ZSWIM5: variants seen among roughly 807,000 people sequenced by gnomAD.
ZSWIM5 encodes the protein zinc finger SWIM domain-containing protein 5.
A neutral mutation model predicts 119.6 loss-of-function variants in ZSWIM5; 55 were observed. The ratio of observed to expected loss-of-function variants is 0.46; its 90% CI spans 0.37 to 0.58. ZSWIM5 has a LOEUF of 0.58. Among genes scored for constraint, ZSWIM5 ranks in the 20% least tolerant of loss-of-function variants. The pLI is 0.00. For missense variants in ZSWIM5, 1,193 were observed against 1,512.8 expected (o/e 0.79, Z 3.51); for synonymous variants, 537 against 606.9 (o/e 0.88, Z 1.69).
At chr1:45,058,943 A>G (rs1645138294) in intron 3 of ZSWIM5, among the ~76,000 whole-genome samples, 184 bp from the exon 4 acceptor site, 1 of 152,228 alleles carries the variant, frequency 6.6e-6, no homozygotes. Context: ...CCTGATGTTC[A>G]CAATAAGATA....
At chr1:45,148,140 CT>C (rs1645774212) in intron 1 of ZSWIM5, among the ~76,000 whole-genome samples, 1 of 152,046 alleles carries the variant, frequency 6.6e-6, no homozygotes, top group South Asian at 2.1e-4. Flanking sequence ...GGCTGTCATT[CT>C]TTGTTTCATT....
intron 8 of ZSWIM5, among the ~76,000 whole-genome samples, chr1:45,036,645 G>A (rs1247896770): frequency 6.6e-6 from 1 of 151,804 alleles, no homozygotes. Context: ...GTGAGCCACC[G>A]TATTCGGCCT....
At chr1:45,171,362 T>C (rs886345586) in intron 1 of ZSWIM5, among the ~76,000 whole-genome samples, 1 of 152,074 alleles carries the variant, frequency 6.6e-6, no homozygotes, top group African/African-American at 2.4e-5. Flanking sequence ...ATTAATTTTA[T>C]ATTGAAAAAA....
At chr1:45,046,757 G>A (rs1185513860) in intron 5 of ZSWIM5, among the ~76,000 whole-genome samples, 2 of 151,694 alleles carry the variant, frequency 1.3e-5, no homozygotes, top group African/African-American at 2.4e-5. Flanking sequence ...CAGGCGCGGT[G>A]GCTCATTCCT....
In ZSWIM5 at chr1:45,023,862, C is replaced by T. The variant is rs1036496788; in HGVS notation, c.2450-3074G>A. Among the ~76,000 whole-genome samples, 7 of 152,182 alleles carry T rather than the reference C, an allele frequency of 4.6e-5. 1 individual carries two copies. In the South Asian group the frequency reaches 1.4e-3, roughly 31 times the overall value. On this transcript the variant is annotated intron_variant, in intron 11 of 13. Coordinates refer to ENST00000359600, the MANE Select transcript of ZSWIM5 (RefSeq NM_020883.2). ...ATAAGAATTGCTGTTGCTCCACATC[C>T]TTGTCAGCATTTGGTGCTATCAGTT...
intron 2 of ZSWIM5, among the ~76,000 whole-genome samples, chr1:45,067,459 GA>G (rs1226641694): frequency 6.7e-6 from 1 of 149,822 alleles, no homozygotes; most frequent in African/African-American, 2.5e-5. Context: ...AAAAAAGAAA[GA>G]AAGAAAGAAA....
Position 45,019,430 on chromosome 1 carries a change from CA to C in ZSWIM5, c.2696-115del, listed in dbSNP as rs549492527. 1.3e-4 allele frequency: 187 copies of C among 1,406,610 alleles called. No homozygotes were observed. The African/African-American group carries it at 2.4e-3, about 18-fold the overall frequency. 87.1% of individuals were successfully genotyped at this position (1,406,610 alleles called of 1,614,324 possible). On this transcript the variant is annotated intron_variant, in intron 13 of 13. Coordinates refer to ENST00000359600, the MANE Select transcript of ZSWIM5 (RefSeq NM_020883.2). The surrounding 1 kb of genome is among the most constrained non-coding windows in gnomAD (Gnocchi z 5.0). ...GCAGAGATGAATTCTTCCTCCTCAG[CA>C]ACCTTGAGATGATATGAGGCAAACC...
chr1:45,018,594 C>CA lies in ZSWIM5; in HGVS notation c.3417dup (p.Glu1140Ter). 6.2e-7 allele frequency: 1 copy of CA among 1,614,236 alleles called. No homozygotes were observed. Among genetic ancestry groups the CA allele is most frequent in the South Asian group, 1.1e-5 (1 of 91,086 alleles). ...GTCTCCCGAGCCTTGCTTAGAAACT[C>CA]AATGAACTCTCCATAGTGGCGAGGG... On this transcript the variant is annotated frameshift_variant, in exon 14 of 14. Transcript: ENST00000359600. LOFTEE classifies it high-confidence loss of function. The surrounding 1 kb of genome is among the most constrained non-coding windows in gnomAD (Gnocchi z 6.7).
chr1:45,103,609 A>C (rs1435033341), intron 1 of ZSWIM5, among the ~76,000 whole-genome samples: 2 of 152,248 alleles, frequency 1.3e-5, no homozygotes, highest in African/African-American at 4.8e-5. Flanking sequence ...TCCTGCACTA[A>C]TAACAAGTCA....
At chr1:45,097,507 C>A (rs1015603767) in intron 1 of ZSWIM5, among the ~76,000 whole-genome samples, 1 of 152,052 alleles carries the variant, frequency 6.6e-6, no homozygotes, top group Non-Finnish European at 1.5e-5. Flanking sequence ...TAGTAAAGGA[C>A]CTGAGACATA....
intron 1 of ZSWIM5, among the ~76,000 whole-genome samples, chr1:45,191,078 C>T (rs1458541496): frequency 6.6e-6 from 1 of 151,660 alleles, no homozygotes; most frequent in East Asian, 1.9e-4. Flanking sequence ...TCCCGAGTAG[C>T]TGGGACTACA....
intron 1 of ZSWIM5, among the ~76,000 whole-genome samples, chr1:45,136,857 A>C (rs1007211301): frequency 2.0e-5 from 3 of 152,148 alleles, no homozygotes; most frequent in Non-Finnish European, 4.4e-5. Flanking sequence ...TGGGGTGTTT[A>C]CCAGGGGCTC....
chr1:45,129,153 G>GTTTTTTTTTTTTTTT (rs869042927), intron 1 of ZSWIM5, among the ~76,000 whole-genome samples: 1 of 70,162 alleles, frequency 1.4e-5, no homozygotes. Context: ...CATACATCTT[G>GTTTTTTTTTTTTTTT]TTTTTTTTTT....
At chr1:45,171,806 GAAATTTAACCAACTTAACACAAGTTATTT>G (rs1197641712) in intron 1 of ZSWIM5, among the ~76,000 whole-genome samples, 1 of 151,964 alleles carries the variant, frequency 6.6e-6, no homozygotes, top group Admixed American at 6.6e-5. Context: ...CACTTTAACA[GAAATTTAACCAACTTAACACAAGTTATTT>G]AAATTTAACC....
At chr1:45,104,534 G>A (rs779377859) in intron 1 of ZSWIM5, among the ~76,000 whole-genome samples, 2 of 152,192 alleles carry the variant, frequency 1.3e-5, no homozygotes, top group Non-Finnish European at 2.9e-5. Flanking sequence ...AACTGGCCAC[G>A]CCTGGGGCCT....
chr1:45,098,186 G>A (rs1379346130), intron 1 of ZSWIM5, among the ~76,000 whole-genome samples: 1 of 152,164 alleles, frequency 6.6e-6, no homozygotes, highest in African/African-American at 2.4e-5. Context: ...GAAGACCAGT[G>A]ACTGGAAAGC....
At position 45,018,314 on chromosome 1, in the gene ZSWIM5, C is replaced by T; in HGVS notation, c.*140G>A. The T allele has an allele frequency of 9.5e-7, 1 of 1,056,322 alleles. No homozygotes were observed. The allele number at this position is 1,056,322 out of a possible 1,614,324, so 65.4% of individuals were successfully genotyped here. A position where few individuals can be genotyped will look rare whatever the true frequency, so the allele number is the denominator to read the frequency against. Reference sequence around the variant, plus strand: ...TTATCGACTAGAGCTGGACTTTCCCCATCCTTAGCCCTGTGGTCCTTTGGC... The same window carrying T: ...TTATCGACTAGAGCTGGACTTTCCCTATCCTTAGCCCTGTGGTCCTTTGGC... On this transcript the variant is annotated 3_prime_UTR_variant, in exon 14 of 14. Transcript: ENST00000359600. The surrounding 1 kb of genome is among the most constrained non-coding windows in gnomAD (Gnocchi z 6.7).
intron 1 of ZSWIM5, among the ~76,000 whole-genome samples, chr1:45,098,437 C>T (rs1287896899): frequency 2.0e-5 from 3 of 152,174 alleles, no homozygotes; most frequent in African/African-American, 7.2e-5. Context: ...GCCTTTAAGT[C>T]TTATTCCCTC....
In ZSWIM5 at chr1:45,034,392, C is replaced by T. The variant is rs182892990; in HGVS notation, c.2369G>A (p.Arg790His). The change falls in exon 11 of 14, where the codon CGT becomes CAT. Residue 790 changes from arginine to histidine, a missense_variant. Arg to His is a conservative substitution (Grantham distance 29, BLOSUM62 0). Transcript: ENST00000359600. ...PHHMVSVVPS[R>H]YPRWFTLGHL... ...TCCAAGCGTGAACCAGCGAGGATAACGGCTGGGCACCACAGACACCATATG... is the reference window on the plus strand; with the variant it reads ...TCCAAGCGTGAACCAGCGAGGATAATGGCTGGGCACCACAGACACCATATG... 6.0e-4 allele frequency: 975 copies of T among 1,613,996 alleles called. 2 individuals carry two copies. The highest frequency in any genetic ancestry group is 2.6e-3 in the Admixed American group (155 of 60,002).
Sources: allele counts gnomAD v4.1 joint callset (sites outside exome capture counted in the v4.1 genomes callset), GRCh38; gene constraint gnomAD v4.1.1; non-coding constraint Gnocchi (gnomAD v3.1); transcripts MANE v1.5; gene names NCBI Gene and HGNC (gene_info 2026-07-23, HGNC 2026-07-21).